KIRREL3: variants seen among roughly 807,000 people sequenced by gnomAD.
KIRREL3 encodes kin of IRRE-like protein 3.
Under a neutral mutation model 89.7 loss-of-function variants are expected in KIRREL3, and 36 were observed. The observed-to-expected ratio is 0.40, with a 90% CI of 0.31 to 0.53. The LOEUF is 0.53. Ranked by LOEUF, KIRREL3 falls within the 20% of genes least tolerant of loss-of-function variation. KIRREL3 has a pLI of 0.49. For synonymous variants in KIRREL3, 445 were observed against 441.4 expected (o/e 1.01, Z -0.10); for missense variants, 864 against 1,056.6 (o/e 0.82, Z 2.53).
intron 1 of KIRREL3, among the ~76,000 whole-genome samples, chr11:126,804,807 C>A (rs1951153695): frequency 6.6e-6 from 1 of 152,150 alleles, no homozygotes; most frequent in Admixed American, 6.5e-5. Flanking sequence ...GTTCAGATCC[C>A]TAACAGTGGA....
intron 1 of KIRREL3, among the ~76,000 whole-genome samples, chr11:126,597,680 G>A (rs907298341): frequency 2.6e-5 from 4 of 152,188 alleles, no homozygotes; most frequent in Non-Finnish European, 4.4e-5. Context: ...GGATTGTGGA[G>A]CCTCTTGTTT....
intron 7 of KIRREL3, among the ~76,000 whole-genome samples, chr11:126,450,339 G>C (rs945555070): frequency 6.6e-6 from 1 of 151,146 alleles, no homozygotes; most frequent in African/African-American, 2.4e-5. Context: ...GTGAGCGTGG[G>C]CATGTGTGTC....
rs147218473 is a variant in KIRREL3 at position 126,456,057 on chromosome 11, T to TTTTTTTTTTTTTC, written c.848+291_848+292insGAAAAAAAAAAAA. Among the ~76,000 whole-genome samples the TTTTTTTTTTTTTC allele has an allele frequency of 1.8e-3, 200 of 109,778 alleles. 18 individuals are homozygous for TTTTTTTTTTTTTC. Among genetic ancestry groups the TTTTTTTTTTTTTC allele is most frequent in the Middle Eastern group, 5.8e-3 (1 of 172 alleles). 72.0% of individuals were successfully genotyped at this position (109,778 alleles called of 152,430 possible). On this transcript the variant is annotated intron_variant, in intron 7 of 16. Transcript: ENST00000525144. The stretch of plus-strand genomic sequence containing the variant: ...TGTTTTCGTTTTTTTTTTTTTTTTT[T>TTTTTTTTTTTTTC]CCTGAGCCTTTTCCCCATGTTTGGA...
At position 126,768,044 on chromosome 11, in the gene KIRREL3, C is replaced by A. The variant is rs1475243269; in HGVS notation, c.56-205132G>T. 6.6e-6 allele frequency among the ~76,000 whole-genome samples: 1 copy of A among 152,232 alleles called. No homozygotes were observed. Among genetic ancestry groups the A allele is most frequent in the Non-Finnish European group, 1.5e-5 (1 of 68,036 alleles). ...TCTGCTTCTGAAATGTCTCTCCATC[C>A]TCAAAATTTTATGATTCCTCTTATC... is the stretch of plus-strand genomic sequence containing the variant. On this transcript the variant is annotated intron_variant, in intron 1 of 16. Coordinates refer to ENST00000525144, the MANE Select transcript of KIRREL3 (RefSeq NM_032531.4). This position sits in a 1 kb window ranked among gnomAD's most constrained non-coding sequence, Gnocchi z 4.5.
Position 126,909,750 on chromosome 11 carries a change from C to G in KIRREL3, c.55+90705G>C, listed in dbSNP as rs1435352554. On this transcript the variant is annotated intron_variant, in intron 1 of 16. Coordinates refer to ENST00000525144, the MANE Select transcript of KIRREL3 (RefSeq NM_032531.4). The surrounding 1 kb of genome is among the most constrained non-coding windows in gnomAD (Gnocchi z 4.5). ...TGACCTTTTGCCATCATTGTCTCAG[C>G]TTTCATGAAAACAGTTGTGCATGAG... Among the ~76,000 whole-genome samples, 1 of 152,132 alleles carries G rather than the reference C, an allele frequency of 6.6e-6. No individual in the cohort carries two copies. Among genetic ancestry groups the G allele is most frequent in the Non-Finnish European group, 1.5e-5 (1 of 68,026 alleles).
rs1940438395 is a variant in KIRREL3, at chr11:126,565,346, A to G, written c.56-2434T>C. ...TGTGGACAAGTGGTTATGATATAATAACTAAGAGTCTCACTGATTATGTTT... is the reference window on the plus strand; with the variant it reads ...TGTGGACAAGTGGTTATGATATAATGACTAAGAGTCTCACTGATTATGTTT... On this transcript the variant is annotated intron_variant, in intron 1 of 16. Transcript: ENST00000525144. This position sits in a 1 kb window ranked among gnomAD's most constrained non-coding sequence, Gnocchi z 5.4. Among the ~76,000 whole-genome samples, 1 of 152,224 alleles carries G rather than the reference A, an allele frequency of 6.6e-6. No individual in the cohort carries two copies. Among genetic ancestry groups the G allele is most frequent in the South Asian group, 2.1e-4 (1 of 4,832 alleles).
chr11:126,915,355 C>T (rs1295917438), intron 1 of KIRREL3, among the ~76,000 whole-genome samples: 1 of 152,054 alleles, frequency 6.6e-6, no homozygotes, highest in East Asian at 1.9e-4. Context: ...TGAATTTCAG[C>T]TCTGTATTTT....
Position 126,561,301 on chromosome 11 carries a change from G to T in KIRREL3, c.133+1534C>A, listed in dbSNP as rs1223248677. Among the ~76,000 whole-genome samples, 1 of 152,148 alleles carries T rather than the reference G, an allele frequency of 6.6e-6. No individual in the cohort carries two copies. Among genetic ancestry groups the T allele is most frequent in the Non-Finnish European group, 1.5e-5 (1 of 68,040 alleles). ...AGATTTCTAACTCATCACACATGTT[G>T]GCTCAGCTTGCATCCCATCCCCTCA... On this transcript the variant is annotated intron_variant, in intron 2 of 16. Coordinates refer to ENST00000525144, the MANE Select transcript of KIRREL3 (RefSeq NM_032531.4). This position sits in a 1 kb window ranked among gnomAD's most constrained non-coding sequence, Gnocchi z 4.5.
intron 1 of KIRREL3, among the ~76,000 whole-genome samples, chr11:126,979,002 C>A (rs1949654055): frequency 6.6e-6 from 1 of 152,136 alleles, no homozygotes; most frequent in African/African-American, 2.4e-5. Flanking sequence ...GGGAGAATGG[C>A]AAATGTACAA....
chr11:126,442,785 T>C (rs1346289754), intron 10 of KIRREL3, among the ~76,000 whole-genome samples: 4 of 152,230 alleles, frequency 2.6e-5, no homozygotes, highest in Non-Finnish European at 4.4e-5. Flanking sequence ...ACTGAACTCA[T>C]CCACCTGCCT....
chr11:126,951,317 G>T (rs746000788), intron 1 of KIRREL3, among the ~76,000 whole-genome samples: 28 of 152,200 alleles, frequency 1.8e-4, no homozygotes, highest in Non-Finnish European at 3.1e-4. Context: ...CTGGGTATTT[G>T]ATAATGGACT....
chr11:126,970,511 C>T lies in KIRREL3; in HGVS notation c.55+29944G>A, dbSNP rs991884043. Among the ~76,000 whole-genome samples the T allele has an allele frequency of 6.6e-6, 1 of 152,170 alleles. No individual in the cohort carries two copies. The highest frequency in any genetic ancestry group is 6.5e-5 in the Admixed American group (1 of 15,282). On this transcript the variant is annotated intron_variant, in intron 1 of 16. Transcript: ENST00000525144. This position sits in a 1 kb window ranked among gnomAD's most constrained non-coding sequence, Gnocchi z 4.4. ...AAACCCCTACAGTGCCCTGTCAACC[C>T]CACAGAGGGTCCAGAAAAAAGTCAT... is the stretch of plus-strand genomic sequence containing the variant.
Position 126,997,683 on chromosome 11 carries a change from C to T in KIRREL3, c.55+2772G>A, listed in dbSNP as rs950127869. 2.0e-5 allele frequency among the ~76,000 whole-genome samples: 3 copies of T among 152,128 alleles called. No homozygotes were observed. The East Asian group carries it at 5.8e-4, about 29-fold the overall frequency. On this transcript the variant is annotated intron_variant, in intron 1 of 16. Coordinates refer to ENST00000525144, the MANE Select transcript of KIRREL3 (RefSeq NM_032531.4). The surrounding 1 kb of genome is among the most constrained non-coding windows in gnomAD (Gnocchi z 4.3). ...GGAAGAAAAGGATGGCTGGAACGGA[C>T]TTTAAGAGTTTATTTGTATCTTGAG...
At chr11:126,510,010 AAAAAAAAAG>A in intron 4 of KIRREL3, among the ~76,000 whole-genome samples, 1 of 149,654 alleles carries the variant, frequency 6.7e-6, no homozygotes. Flanking sequence ...AAAAAAAAAA[AAAAAAAAAG>A]AAAAAAGAAA....
At position 126,998,003 on chromosome 11, in the gene KIRREL3, G is replaced by A. The variant is rs113747519; in HGVS notation, c.55+2452C>T. Among the ~76,000 whole-genome samples the A allele has an allele frequency of 3.4e-3, 514 of 152,230 alleles. 5 individuals carry two copies. Among genetic ancestry groups the A allele is most frequent in the African/African-American group, 0.012 (484 of 41,534 alleles). ...TGGCTGTGTGAGGGTGCCGGGTGGG[G>A]GGGTGTAACCTCAGGCCTCATTCTG... On this transcript the variant is annotated intron_variant, in intron 1 of 16. Coordinates refer to ENST00000525144, the MANE Select transcript of KIRREL3 (RefSeq NM_032531.4).
At chr11:126,727,023 C>A (rs1451997618) in intron 1 of KIRREL3, among the ~76,000 whole-genome samples, 2 of 152,216 alleles carry the variant, frequency 1.3e-5, no homozygotes, top group African/African-American at 2.4e-5. Flanking sequence ...TCCGCGTAGC[C>A]TACCTTCACT....
rs968162637 is a variant in KIRREL3, at chr11:126,976,345, A to T, written c.55+24110T>A. ...TAGCATCACTTGCTTTTAGCAAGCC[A>T]AAGGTTGCTTCCAGGGACCACAGAT... On this transcript the variant is annotated intron_variant, in intron 1 of 16. Coordinates refer to ENST00000525144, the MANE Select transcript of KIRREL3 (RefSeq NM_032531.4). This position sits in a 1 kb window ranked among gnomAD's most constrained non-coding sequence, Gnocchi z 4.2. Among the ~76,000 whole-genome samples, 1 of 152,186 alleles carries T rather than the reference A, an allele frequency of 6.6e-6. No individual in the cohort carries two copies. Among genetic ancestry groups the T allele is most frequent in the Non-Finnish European group, 1.5e-5 (1 of 68,034 alleles).
At chr11:126,450,904 TGCGTGTGTGTCC>T (rs1478069408) in intron 7 of KIRREL3, among the ~76,000 whole-genome samples, 1 of 150,490 alleles carries the variant, frequency 6.6e-6, no homozygotes, top group African/African-American at 2.5e-5. Context: ...TGTGTGCATG[TGCGTGTGTGTCC>T]ACGTGCATGT....
chr11:126,711,985 C>T (rs1243160422), intron 1 of KIRREL3, among the ~76,000 whole-genome samples: 1 of 152,248 alleles, frequency 6.6e-6, no homozygotes, highest in Admixed American at 6.5e-5. Context: ...AGGAAGGCCA[C>T]TCCACAGTGG....
Sources: gnomAD v4.1 joint callset for allele counts (sites outside exome capture counted in the v4.1 genomes callset) on GRCh38, gnomAD v4.1.1 for gene constraint, Gnocchi (gnomAD v3.1) non-coding constraint, MANE v1.5 for transcripts, NCBI Gene and HGNC (gene_info 2026-07-23, HGNC 2026-07-21) for gene names.